PCDHGB2: variants seen among roughly 807,000 people sequenced by gnomAD.
The protein encoded by PCDHGB2 is protocadherin gamma-B2.
A neutral mutation model predicts 59.3 loss-of-function variants in PCDHGB2; 55 were observed. That is an observed-to-expected ratio of 0.93 (90% confidence interval 0.75 to 1.16). The LOEUF (loss-of-function observed/expected upper bound fraction) is 1.16, where lower values mean the gene tolerates loss of function less well. PCDHGB2 is among the 50% of genes most tolerant of loss of function. The probability of loss-of-function intolerance (pLI) is 0.00; values close to 1 mark genes in which losing one functional copy is unlikely to be tolerated. For synonymous variants in PCDHGB2, 516 were observed against 512.0 expected (o/e 1.01, Z -0.11); for missense variants, 1,228 against 1,198.5 (o/e 1.02, Z -0.36).
intron 1 of PCDHGB2, chr5:141,398,682 A>G (rs767093587): frequency 1.4e-5 from 23 of 1,613,842 alleles, no homozygotes; most frequent in Non-Finnish European, 1.9e-5. Flanking sequence ...TTAAGGAGAA[A>G]CAGGATGGTA....
intron 1 of PCDHGB2, chr5:141,430,824 C>T: frequency 6.5e-7 from 1 of 1,547,704 alleles, no homozygotes; most frequent in Non-Finnish European, 8.7e-7. Flanking sequence ...CTCCTGGGGA[C>T]TCTGTGGGAG....
chr5:141,365,099 G>A (rs767635242), intron 1 of PCDHGB2: 1 of 1,613,850 alleles, frequency 6.2e-7, no homozygotes, highest in East Asian at 2.2e-5. Flanking sequence ...GAACATACCT[G>A]TGGGCACTCG....
chr5:141,408,660 C>T, intron 1 of PCDHGB2: 1 of 1,613,980 alleles, frequency 6.2e-7, no homozygotes, highest in East Asian at 2.2e-5. Context: ...ACACGACTAT[C>T]GCTTGACCCT....
At chr5:141,371,509 A>G (rs768507307) in intron 1 of PCDHGB2, 3 of 1,613,878 alleles carry the variant, frequency 1.9e-6, no homozygotes, top group South Asian at 2.2e-5. Context: ...ATCAAAACAC[A>G]TGATCTAGAT....
chr5:141,385,200 C>G (rs776177043), intron 1 of PCDHGB2: 4 of 1,614,214 alleles, frequency 2.5e-6, no homozygotes, highest in Middle Eastern at 3.3e-4. Flanking sequence ...GGAAGAGTCA[C>G]CTGATCTTCC....
chr5:141,404,849 C>G, intron 1 of PCDHGB2: 1 of 1,613,862 alleles, frequency 6.2e-7, no homozygotes, highest in Non-Finnish European at 8.5e-7. Context: ...TCGGGCCCTG[C>G]TAGATAGAGA....
chr5:141,500,497 C>T (rs1214550546), intron 2 of PCDHGB2, among the ~76,000 whole-genome samples: 1 of 152,174 alleles, frequency 6.6e-6, no homozygotes, highest in Non-Finnish European at 1.5e-5. Context: ...GCGTGAGCCA[C>T]CGCGCCTGGC....
At chr5:141,428,055 G>T in intron 1 of PCDHGB2, 1 of 1,609,070 alleles carries the variant, frequency 6.2e-7, no homozygotes, top group Non-Finnish European at 8.5e-7. Context: ...CAAGGTGGTG[G>T]CGGTGGACGC....
At chr5:141,366,523 G>A (rs755773964) in intron 1 of PCDHGB2, 18 of 1,614,152 alleles carry the variant, frequency 1.1e-5, no homozygotes, top group Middle Eastern at 1.6e-4. Flanking sequence ...AAGGCAGCAG[G>A]TTGGCGGGTG....
chr5:141,375,344 A>G lies in PCDHGB2; in HGVS notation c.2421+12788A>G, dbSNP rs777877762. 4 of 1,613,836 alleles carry G rather than the reference A, an allele frequency of 2.5e-6. No individual in the cohort carries two copies. The Admixed American group carries it at 6.7e-5, about 27-fold the overall frequency. Reference sequence around the variant, plus strand: ...GGAAGAGGTATTCTTGTACAACATCACTGTGACAGCCACGGACAAAGGAAC... The same window carrying G: ...GGAAGAGGTATTCTTGTACAACATCGCTGTGACAGCCACGGACAAAGGAAC... On this transcript the variant is annotated intron_variant, in intron 1 of 3. Coordinates refer to ENST00000522605, the MANE Select transcript of PCDHGB2 (RefSeq NM_018923.3).
intron 1 of PCDHGB2, chr5:141,384,230 A>G (rs771827146): frequency 1.2e-6 from 2 of 1,613,916 alleles, no homozygotes; most frequent in Admixed American, 3.3e-5. Flanking sequence ...CAGGTGGCAG[A>G]CACCAACGAT....
intron 1 of PCDHGB2, among the ~76,000 whole-genome samples, chr5:141,446,961 GA>G (rs1466390366): frequency 2.0e-5 from 3 of 152,070 alleles, no homozygotes; most frequent in Admixed American, 1.3e-4. Context: ...AGCACCCAGG[GA>G]AATTTGCTGT....
At chr5:141,419,316 G>T in intron 1 of PCDHGB2, 2 of 1,613,994 alleles carry the variant, frequency 1.2e-6, no homozygotes, top group Non-Finnish European at 1.7e-6. Context: ...CTCAACGGCC[G>T]TGTCTCCTAC....
intron 1 of PCDHGB2, 134 bp from the exon 2 acceptor site, chr5:141,494,673 C>A: frequency 6.5e-7 from 1 of 1,542,992 alleles, no homozygotes; most frequent in South Asian, 1.2e-5. Flanking sequence ...GATGAGTCCA[C>A]CCCTGCCCCC....
At position 141,481,880 on chromosome 5, in the gene PCDHGB2, C is replaced by T. The variant is rs555652518; in HGVS notation, c.2422-12927C>T. Among the ~76,000 whole-genome samples, 5 of 145,406 alleles carry T rather than the reference C, an allele frequency of 3.4e-5. No individual in the cohort carries two copies. The East Asian group carries it at 1.0e-3, about 29-fold the overall frequency. On this transcript the variant is annotated intron_variant, in intron 1 of 3. Transcript: ENST00000522605. ...AGTGAGCCGAGATCGCGCCACTGCA[C>T]TCCAGCCTGGGTGAAAGAGCGAAAC...
intron 1 of PCDHGB2, chr5:141,404,337 C>A (rs766940096): frequency 6.2e-6 from 10 of 1,613,902 alleles, no homozygotes; most frequent in Middle Eastern, 3.3e-4. Flanking sequence ...GTCTACCTCC[C>A]GGAAAACAAC....
At chr5:141,365,903 T>C (rs776227569) in intron 1 of PCDHGB2, 1 of 1,614,140 alleles carries the variant, frequency 6.2e-7, no homozygotes, top group Non-Finnish European at 8.5e-7. Context: ...CTATGAGCAG[T>C]TGAGAGACCT....
At chr5:141,501,402 G>A (rs527659990) in intron 2 of PCDHGB2, among the ~76,000 whole-genome samples, 5 of 151,740 alleles carry the variant, frequency 3.3e-5, no homozygotes, top group Non-Finnish European at 7.4e-5. Flanking sequence ...ACAGGCCACT[G>A]CTTGGAAAAT....
In PCDHGB2 at chr5:141,477,605, T is replaced by A. The variant is rs1339408637; in HGVS notation, c.2422-17202T>A. On this transcript the variant is annotated intron_variant, in intron 1 of 3. Transcript: ENST00000522605. This position sits in a 1 kb window ranked among gnomAD's most constrained non-coding sequence, Gnocchi z 4.9. ...GAATGCTCGGCTTTCTTTCTTTCTCTTGGAGCAAGGAGCTGAAACCGGGCT... is the reference window on the plus strand; with the variant it reads ...GAATGCTCGGCTTTCTTTCTTTCTCATGGAGCAAGGAGCTGAAACCGGGCT... The A allele has an allele frequency of 6.2e-6, 10 of 1,614,102 alleles. No individual in the cohort carries two copies. In the South Asian group the frequency reaches 1.1e-4, roughly 18 times the overall value.
Sources: allele counts gnomAD v4.1 joint callset (sites outside exome capture counted in the v4.1 genomes callset), GRCh38; gene constraint gnomAD v4.1.1; non-coding constraint Gnocchi (gnomAD v3.1); transcripts MANE v1.5; gene names NCBI Gene and HGNC (gene_info 2026-07-23, HGNC 2026-07-21).